Variants in GMDS observed in about 807,000 individuals in gnomAD.
GMDS encodes the protein GDP-mannose 4,6 dehydratase.
A neutral mutation model predicts 49.9 loss-of-function variants in GMDS; 20 were observed. The observed-to-expected ratio is 0.40, with a 90% CI of 0.28 to 0.58. The LOEUF (loss-of-function observed/expected upper bound fraction) is 0.58. Ranked by LOEUF, GMDS falls within the 20% of genes least tolerant of loss-of-function variation. The probability of loss-of-function intolerance (pLI) is 0.42; values close to 1 mark genes in which losing one functional copy is unlikely to be tolerated. For synonymous variants in GMDS, 177 were observed against 178.6 expected (o/e 0.99, Z 0.07); for missense variants, 362 against 481.4 (o/e 0.75, Z 2.32).
At chr6:1,776,349 G>A (rs1768833498) in intron 7 of GMDS, among the ~76,000 whole-genome samples, 1 of 152,112 alleles carries the variant, frequency 6.6e-6, no homozygotes, top group African/African-American at 2.4e-5. Flanking sequence ...GAAGAATTAT[G>A]TCCCACACAG....
intron 8 of GMDS, among the ~76,000 whole-genome samples, chr6:1,736,785 G>A (rs1021626633): frequency 2.0e-5 from 3 of 152,206 alleles, no homozygotes; most frequent in African/African-American, 4.8e-5. Flanking sequence ...AGAACCCTTA[G>A]AAGTATGGCT....
chr6:1,819,507 T>A (rs1189480783), intron 7 of GMDS, among the ~76,000 whole-genome samples: 2 of 152,094 alleles, frequency 1.3e-5, no homozygotes, highest in African/African-American at 2.4e-5. Context: ...CTGCCTGTAA[T>A]CCCAGCACTT....
intron 1 of GMDS, among the ~76,000 whole-genome samples, chr6:2,206,676 T>C (rs1779822100): frequency 6.6e-6 from 1 of 151,938 alleles, no homozygotes; most frequent in Admixed American, 6.5e-5. Context: ...AAGTCACTCA[T>C]TCAGACTGCT....
At position 1,742,494 on chromosome 6, in the gene GMDS, T is replaced by G. The variant is rs760299484; in HGVS notation, c.864A>C (p.Ser288=). ...VHSVREFVEK[S]FLHIGKTIVW... ...CAATGGTTTTTCCAATGTGCAAGAATGATTTCTCGACAAATTCCCGGACAC... is the reference window on the plus strand; with the variant it reads ...CAATGGTTTTTCCAATGTGCAAGAAGGATTTCTCGACAAATTCCCGGACAC... The change falls in exon 8 of 11, where the codon TCA becomes TCC. Residue 288 remains serine (S), a synonymous_variant. Coordinates refer to ENST00000380815, the MANE Select transcript of GMDS (RefSeq NM_001500.4). 1.9e-6 allele frequency: 3 copies of G among 1,606,060 alleles called. No individual in the cohort carries two copies. The South Asian group carries it at 3.3e-5, about 18-fold the overall frequency.
chr6:1,895,427 T>C (rs182315473), intron 7 of GMDS, among the ~76,000 whole-genome samples: 5 of 152,318 alleles, frequency 3.3e-5, no homozygotes, highest in African/African-American at 7.2e-5. Flanking sequence ...CAGCTATGCA[T>C]TGCCCACTAA....
At chr6:1,755,748 T>C (rs890614953) in intron 7 of GMDS, among the ~76,000 whole-genome samples, 2 of 152,140 alleles carry the variant, frequency 1.3e-5, no homozygotes, top group East Asian at 3.9e-4. Context: ...TTATGCCTTA[T>C]ACAAAAATTA....
At chr6:1,810,624 A>T (rs1468582946) in intron 7 of GMDS, among the ~76,000 whole-genome samples, 1 of 152,102 alleles carries the variant, frequency 6.6e-6, no homozygotes, top group Non-Finnish European at 1.5e-5. Flanking sequence ...GGTATGTGAA[A>T]GAGGCGTGAA....
intron 9 of GMDS, among the ~76,000 whole-genome samples, chr6:1,634,339 G>A (rs1302754710): frequency 2.0e-5 from 3 of 152,178 alleles, no homozygotes; most frequent in African/African-American, 4.8e-5. Flanking sequence ...CTGAGATGCC[G>A]CTCCACCCTT....
At chr6:1,720,229 G>T (rs541321417) in intron 9 of GMDS, among the ~76,000 whole-genome samples, 16 of 136,698 alleles carry the variant, frequency 1.2e-4, no homozygotes, top group Non-Finnish European at 1.8e-4. Context: ...ATGCTCTTGA[G>T]GGGGGAGAGC....
intron 1 of GMDS, among the ~76,000 whole-genome samples, chr6:2,227,404 C>A (rs184697717): frequency 8.3e-4 from 127 of 152,256 alleles, no homozygotes; most frequent in African/African-American, 3.0e-3. Context: ...ATTACACCAC[C>A]AACATCAGAA....
At chr6:2,241,271 C>T (rs1054747211) in intron 1 of GMDS, among the ~76,000 whole-genome samples, 1 of 152,130 alleles carries the variant, frequency 6.6e-6, no homozygotes, top group Non-Finnish European at 1.5e-5. Context: ...AAAAATTATT[C>T]GTTTTTGGTT....
chr6:2,207,787 AG>A (rs1779871115), intron 1 of GMDS, among the ~76,000 whole-genome samples: 1 of 151,938 alleles, frequency 6.6e-6, no homozygotes, highest in Non-Finnish European at 1.5e-5. Context: ...GCCCATTTGA[AG>A]TTTCTGCAGG....
At chr6:1,780,476 T>A (rs1440039582) in intron 7 of GMDS, among the ~76,000 whole-genome samples, 1 of 152,232 alleles carries the variant, frequency 6.6e-6, no homozygotes, top group Non-Finnish European at 1.5e-5. Context: ...TCTGCTGGCC[T>A]GGGAGAGGAC....
intron 9 of GMDS, among the ~76,000 whole-genome samples, chr6:1,717,848 T>C (rs1369000812): frequency 6.6e-6 from 1 of 152,216 alleles, no homozygotes; most frequent in Non-Finnish European, 1.5e-5. Context: ...CTTTAAGAAT[T>C]TGAAAATGCT....
chr6:2,025,005 T>C (rs1407854719), intron 4 of GMDS, among the ~76,000 whole-genome samples: 1 of 151,952 alleles, frequency 6.6e-6, no homozygotes, highest in Non-Finnish European at 1.5e-5. Context: ...CATATACTAG[T>C]AAAAGTATCC....
At chr6:2,005,396 A>G (rs769955318) in intron 4 of GMDS, among the ~76,000 whole-genome samples, 1 of 152,132 alleles carries the variant, frequency 6.6e-6, no homozygotes, top group African/African-American at 2.4e-5. Flanking sequence ...TATGATTTCA[A>G]CTCTTTCAGG....
intron 4 of GMDS, among the ~76,000 whole-genome samples, chr6:2,058,821 C>T (rs1770934815): frequency 6.6e-6 from 1 of 152,168 alleles, no homozygotes; most frequent in African/African-American, 2.4e-5. Flanking sequence ...TAGGGGCATC[C>T]ATCACACACT....
intron 3 of GMDS, among the ~76,000 whole-genome samples, 188 bp from the exon 4 acceptor site, chr6:2,116,068 C>G (rs549339350): frequency 2.2e-4 from 33 of 152,230 alleles, no homozygotes; most frequent in African/African-American, 7.7e-4. Context: ...AAGATAGCTA[C>G]ATAATGCCTA....
At chr6:1,969,047 G>A (rs1186794890) in intron 4 of GMDS, among the ~76,000 whole-genome samples, 2 of 151,824 alleles carry the variant, frequency 1.3e-5, no homozygotes, top group Non-Finnish European at 2.9e-5. Context: ...GGATCACGAG[G>A]TCAGGAGATC....
Sources: gnomAD v4.1 joint callset for allele counts (sites outside exome capture counted in the v4.1 genomes callset) on GRCh38, gnomAD v4.1.1 for gene constraint, MANE v1.5 for transcripts, NCBI Gene and HGNC (gene_info 2026-07-23, HGNC 2026-07-21) for gene names.